The following SEPTIN11 variants were observed in gnomAD, a reference collection of about 807,000 sequenced individuals.
SEPTIN11 encodes septin-11.
A neutral mutation model predicts 51.4 loss-of-function variants in SEPTIN11; 25 were observed. The ratio of observed to expected loss-of-function variants is 0.49; its 90% confidence interval spans 0.35 to 0.68. SEPTIN11 has a LOEUF of 0.68. SEPTIN11 is among the 30% of genes least tolerant of loss of function. The pLI is 0.00. For synonymous variants in SEPTIN11, 174 were observed against 184.1 expected (o/e 0.95, Z 0.44); for missense variants, 381 against 520.8 (o/e 0.73, Z 2.61).
chr4:77,019,489 C>T (rs192533729), intron 6 of SEPTIN11, among the ~76,000 whole-genome samples: 1 of 152,234 alleles, frequency 6.6e-6, no homozygotes, highest in Non-Finnish European at 1.5e-5. Context: ...GGTAACCCCT[C>T]AAGGATGCTG....
rs1485087928 is a variant in SEPTIN11 at position 76,996,418 on chromosome 4, A to C, written c.28-7A>C. The stretch of plus-strand genomic sequence containing the variant: ...GACACTCAAATCTTTCTCCCCTGAA[A>C]TTGCAGAATGAAGAGCTTCGAAACT... On this transcript the variant is annotated splice_region_variant and splice_polypyrimidine_tract_variant and intron_variant, in intron 1 of 9. Coordinates refer to ENST00000264893, the MANE Select transcript of SEPTIN11 (RefSeq NM_018243.4). The C allele has an allele frequency of 6.2e-7, 1 of 1,607,066 alleles. No individual in the cohort carries two copies. Among genetic ancestry groups the C allele is most frequent in the Non-Finnish European group, 8.5e-7 (1 of 1,173,582 alleles).
intron 9 of SEPTIN11, 108 bp from the exon 10 acceptor site, chr4:77,034,389 T>G: frequency 3.1e-6 from 3 of 978,280 alleles, no homozygotes; most frequent in Non-Finnish European, 4.3e-6. Context: ...CCATAATCAT[T>G]GCATGAGCAT....
chr4:76,992,441 A>C lies in SEPTIN11; in HGVS notation c.28-3984A>C, dbSNP rs560788480. Among the ~76,000 whole-genome samples, 3 of 152,224 alleles carry C rather than the reference A, an allele frequency of 2.0e-5. No individual in the cohort carries two copies. The South Asian group carries it at 6.2e-4, about 32-fold the overall frequency. On this transcript the variant is annotated intron_variant, in intron 1 of 9. Coordinates refer to ENST00000264893, the MANE Select transcript of SEPTIN11 (RefSeq NM_018243.4). ...GAGATAGCAATGACTATGTTCGACA[A>C]CTCTGGAACCTGACTTCCTGGGTTC...
intron 7 of SEPTIN11, among the ~76,000 whole-genome samples, chr4:77,026,039 C>T (rs889798798): frequency 1.3e-5 from 2 of 152,190 alleles, no homozygotes; most frequent in Non-Finnish European, 2.9e-5. Flanking sequence ...ATCCAGCATA[C>T]ACATTTTGTG....
chr4:77,035,382 T>C lies in SEPTIN11; in HGVS notation c.*870T>C, dbSNP rs1726957582. ...ACACCTCAGTTTGTTCCCAGTGGGCTTAGAGGGAGGACCTGATGACTGATT... is the reference window on the plus strand; with the variant it reads ...ACACCTCAGTTTGTTCCCAGTGGGCCTAGAGGGAGGACCTGATGACTGATT... On this transcript the variant is annotated 3_prime_UTR_variant, in exon 10 of 10. Coordinates refer to ENST00000264893, the MANE Select transcript of SEPTIN11 (RefSeq NM_018243.4). 1.0e-6 allele frequency: 1 copy of C among 985,420 alleles called. No individual in the cohort carries two copies. Among genetic ancestry groups the C allele is most frequent in the Non-Finnish European group, 1.2e-6 (1 of 829,916 alleles). 61.0% of individuals were successfully genotyped at this position (985,420 alleles called of 1,614,324 possible).
chr4:77,005,679 A>C lies in SEPTIN11; in HGVS notation c.221A>C (p.Asn74Thr), dbSNP rs373899046. The C allele has an allele frequency of 7.6e-5, 122 of 1,614,002 alleles. No homozygotes were observed. Among genetic ancestry groups the C allele is most frequent in the Middle Eastern group, 1.6e-4 (1 of 6,082 alleles). ...TKFESDPATH[N>T]EPGVRLKARS... The stretch of plus-strand genomic sequence containing the variant: ...TTTGAAAGTGACCCAGCTACTCACA[A>C]TGAACCAGGTGTTCGGTTAAAAGCC... The change falls in exon 3 of 10, where the codon AAT becomes ACT. Residue 74 changes from asparagine to threonine, a missense_variant. Physicochemically the swap from Asn to Thr is moderately conservative, Grantham distance 65. Around this residue, in one of 2 missense-constraint regions of SEPTIN11, gnomAD observed 184 missense variants for 207.7 expected, o/e 0.89. Coordinates refer to ENST00000264893, the MANE Select transcript of SEPTIN11 (RefSeq NM_018243.4).
At chr4:77,020,779 G>T in intron 7 of SEPTIN11, 109 bp downstream of exon 7, 1 of 1,036,222 alleles carries the variant, frequency 9.7e-7, no homozygotes, top group Non-Finnish European at 1.4e-6. Flanking sequence ...GGAAGGATCT[G>T]GTGGGTGAAG....
chr4:77,031,761 T>C (rs1302903875), intron 9 of SEPTIN11: 1 of 152,158 alleles, frequency 6.6e-6, no homozygotes, highest in East Asian at 1.9e-4. Flanking sequence ...GGAAGCACGA[T>C]GGTAAGAATA....
In SEPTIN11 at chr4:76,949,893, C is replaced by G; in HGVS notation, c.-11C>G. On this transcript the variant is annotated 5_prime_UTR_variant, in exon 1 of 10. Coordinates refer to ENST00000264893, the MANE Select transcript of SEPTIN11 (RefSeq NM_018243.4). ...CACCCGGGCGCAGCCGGAGCCGGTG[C>G]CGCAGCTGCGATGGCCGTGGCCGTG... The G allele has an allele frequency of 6.5e-7, 1 of 1,528,690 alleles. No homozygotes were observed. Among genetic ancestry groups the G allele is most frequent in the Non-Finnish European group, 8.7e-7 (1 of 1,145,586 alleles). The allele number at this position is 1,528,690 out of a possible 1,614,324, so 94.7% of individuals were successfully genotyped here. A position where few individuals can be genotyped will look rare whatever the true frequency, so the allele number is the denominator to read the frequency against.
rs1040459613 is a variant in SEPTIN11 at position 77,038,422 on chromosome 4, TTG to T, written c.*3912_*3913del. On this transcript the variant is annotated 3_prime_UTR_variant, in exon 10 of 10. Transcript: ENST00000264893. ...TATATGTAAGCTGCATGTTAGACAT[TTG>T]TCTTTTTTAAACTAAAGTAATTGTA... 1 of 985,646 alleles carries T rather than the reference TTG, an allele frequency of 1.0e-6. No individual in the cohort carries two copies. Among genetic ancestry groups the T allele is most frequent in the African/African-American group, 1.7e-5 (1 of 57,248 alleles). 61.1% of individuals were successfully genotyped at this position (985,646 alleles called of 1,614,324 possible).
At chr4:76,977,726 C>CT (rs559226407) in intron 1 of SEPTIN11, among the ~76,000 whole-genome samples, 1,527 of 127,500 alleles carry the variant, frequency 0.012, 26 homozygotes, top group South Asian at 0.061. Context: ...AAAGGTTCGT[C>CT]TTTTTTTTTT....
chr4:77,024,824 T>TA lies in SEPTIN11; in HGVS notation c.954-3805_954-3804insA, dbSNP rs1391992461. ...GTGTGACCTGGTCAAATTACCTGTG[T>TA]GTCCAAGTTTCCCCATCTATAAAGT... On this transcript the variant is annotated intron_variant, in intron 7 of 9. Coordinates refer to ENST00000264893, the MANE Select transcript of SEPTIN11 (RefSeq NM_018243.4). This position sits in a 1 kb window ranked among gnomAD's most constrained non-coding sequence, Gnocchi z 4.2. Among the ~76,000 whole-genome samples the TA allele has an allele frequency of 6.6e-6, 1 of 152,196 alleles. No individual in the cohort carries two copies. The highest frequency in any genetic ancestry group is 1.5e-5 in the Non-Finnish European group (1 of 68,026).
intron 2 of SEPTIN11, among the ~76,000 whole-genome samples, chr4:76,999,797 G>A (rs1723995250): frequency 6.6e-6 from 1 of 152,154 alleles, no homozygotes; most frequent in Non-Finnish European, 1.5e-5. Context: ...ATTTCACTGG[G>A]AAGAGAATTC....
In SEPTIN11 at chr4:77,038,138, G is replaced by A; in HGVS notation, c.*3626G>A. On this transcript the variant is annotated 3_prime_UTR_variant, in exon 10 of 10. Coordinates refer to ENST00000264893, the MANE Select transcript of SEPTIN11 (RefSeq NM_018243.4). ...CAGGTCTCAGCTTCGAAAAGTCCTG[G>A]TTCCACTGACAGGACACATTCTTTA... 3.0e-6 allele frequency: 3 copies of A among 985,832 alleles called. No homozygotes were observed. The highest frequency in any genetic ancestry group is 3.6e-6 in the Non-Finnish European group (3 of 829,938). The allele number at this position is 985,832 out of a possible 1,614,324, so 61.1% of individuals were successfully genotyped here.
At chr4:77,018,310 A>G (rs183313862) in intron 5 of SEPTIN11, among the ~76,000 whole-genome samples, 2,505 of 152,178 alleles carry the variant, frequency 0.016, 29 homozygotes, top group Non-Finnish European at 0.021. Flanking sequence ...TTAGCTGGGC[A>G]TGGTGGCCGG....
At chr4:77,033,635 G>A (rs1726831206) in intron 9 of SEPTIN11, among the ~76,000 whole-genome samples, 1 of 152,180 alleles carries the variant, frequency 6.6e-6, no homozygotes, top group African/African-American at 2.4e-5. Flanking sequence ...TACCACAGTG[G>A]TGGGACTGCC....
intron 2 of SEPTIN11, among the ~76,000 whole-genome samples, chr4:77,004,223 G>C (rs1724324915): frequency 1.3e-5 from 2 of 152,214 alleles, no homozygotes; most frequent in Admixed American, 1.3e-4. Context: ...AGTGGTTACA[G>C]ATACCTGCTA....
At chr4:76,987,422 A>G (rs1418511698) in intron 1 of SEPTIN11, among the ~76,000 whole-genome samples, 1 of 152,144 alleles carries the variant, frequency 6.6e-6, no homozygotes, top group African/African-American at 2.4e-5. Context: ...CTCATTGGTA[A>G]TGAGATGGTC....
At chr4:77,040,084 T>C (rs1215447997), downstream of SEPTIN11, 1 of 152,200 alleles carries the variant, frequency 6.6e-6, no homozygotes, top group East Asian at 1.9e-4. Context: ...ATGTTTAAAA[T>C]GTGCCGGTGT....
Sources: gnomAD v4.1 joint callset for allele counts (sites outside exome capture counted in the v4.1 genomes callset) on GRCh38, gnomAD v4.1.1 for gene constraint, gnomAD v4.1.1 regional missense constraint, Gnocchi (gnomAD v3.1) non-coding constraint, MANE v1.5 for transcripts, NCBI Gene and HGNC (gene_info 2026-07-23, HGNC 2026-07-21) for gene names.